The following RBMS3 variants were observed in gnomAD, a reference collection of about 807,000 sequenced individuals.
RBMS3 encodes the protein RNA binding motif single stranded interacting protein 3.
In RBMS3, 27 loss-of-function variants were observed where a neutral mutation model predicts 66.8. The ratio of observed to expected loss-of-function variants is 0.40; its 90% CI spans 0.30 to 0.56. RBMS3 has a LOEUF of 0.56. Ranked by LOEUF, RBMS3 falls within the 20% of genes least tolerant of loss-of-function variation. The pLI, the probability that RBMS3 is intolerant of heterozygous loss-of-function variation, is 0.40. For synonymous variants in RBMS3, 188 were observed against 183.0 expected (o/e 1.03, Z -0.22); for missense variants, 513 against 549.5 (o/e 0.93, Z 0.66).
At position 29,906,414 on chromosome 3, in the gene RBMS3, C is replaced by T. The variant is rs539147851; in HGVS notation, c.939+6659C>T. On this transcript the variant is annotated intron_variant, in intron 10 of 14. Coordinates refer to ENST00000383767, the MANE Select transcript of RBMS3 (RefSeq NM_001003793.3). ...AGAGAGCCAGAGAGAGCTTCCTTTT[C>T]TAACAAAGCTATTCCCACAAATCTA... Among the ~76,000 whole-genome samples the T allele has an allele frequency of 2.6e-5, 4 of 152,168 alleles. No individual in the cohort carries two copies. The South Asian group carries it at 8.3e-4, about 32-fold the overall frequency.
chr3:29,471,251 A>G (rs1000860234), intron 2 of RBMS3, among the ~76,000 whole-genome samples: 1 of 152,174 alleles, frequency 6.6e-6, no homozygotes, highest in African/African-American at 2.4e-5. Context: ...TTCCCTCTAT[A>G]TTGGCAAAAA....
Position 29,759,720 on chromosome 3 carries a change from C to A in RBMS3, c.558-3190C>A, listed in dbSNP as rs544968237. On this transcript the variant is annotated intron_variant, in intron 5 of 14. Transcript: ENST00000383767. Reference sequence around the variant, plus strand: ...CAAATATAGTCTCTTTCCTCCCCCCCCAGAGCTTTCTGGGTCTCAGTCTCA... The same window carrying A: ...CAAATATAGTCTCTTTCCTCCCCCCACAGAGCTTTCTGGGTCTCAGTCTCA... Among the ~76,000 whole-genome samples, 421 of 152,226 alleles carry A rather than the reference C, an allele frequency of 2.8e-3. 2 individuals are homozygous for A. The highest frequency in any genetic ancestry group is 9.7e-3 in the African/African-American group (404 of 41,554).
At chr3:29,496,216 A>G (rs2043746277) in intron 3 of RBMS3, among the ~76,000 whole-genome samples, 1 of 151,068 alleles carries the variant, frequency 6.6e-6, no homozygotes, top group Non-Finnish European at 1.5e-5. Flanking sequence ...AAAAAAAAGA[A>G]AAAAAGAAAA....
intron 11 of RBMS3, among the ~76,000 whole-genome samples, chr3:29,941,495 CAG>C (rs1469163912): frequency 2.6e-5 from 4 of 151,632 alleles, no homozygotes; most frequent in Admixed American, 6.6e-5. Context: ...AAATACAAAA[CAG>C]AAAATATATC....
At chr3:29,784,945 A>G (rs577742152) in intron 6 of RBMS3, among the ~76,000 whole-genome samples, 3 of 152,198 alleles carry the variant, frequency 2.0e-5, no homozygotes, top group African/African-American at 7.2e-5. Context: ...AGATGGATAC[A>G]TTTCTGAAAA....
At chr3:29,775,676 C>T (rs1397732258) in intron 6 of RBMS3, among the ~76,000 whole-genome samples, 2 of 152,010 alleles carry the variant, frequency 1.3e-5, no homozygotes, top group African/African-American at 2.4e-5. Context: ...TGGACTTCAC[C>T]AGTGTGAGTG....
rs545964559 is a variant in RBMS3, at chr3:29,855,561, G to T, written c.638-13297G>T. 5.3e-5 allele frequency among the ~76,000 whole-genome samples: 8 copies of T among 152,224 alleles called. No homozygotes were observed. The South Asian group carries it at 1.7e-3, about 32-fold the overall frequency. ...GTACAACTTGTGACTAGCCAAATTT[G>T]CAATGATCTTTTAGAAAATAGGGGA... On this transcript the variant is annotated intron_variant, in intron 6 of 14. Coordinates refer to ENST00000383767, the MANE Select transcript of RBMS3 (RefSeq NM_001003793.3).
At chr3:29,766,398 G>A (rs1392910787) in intron 6 of RBMS3, 1 of 151,872 alleles carries the variant, frequency 6.6e-6, no homozygotes, top group African/African-American at 2.4e-5. Context: ...AAATTTCATA[G>A]TTAAGGAAAT....
chr3:29,427,917 A>G (rs2041022751), intron 1 of RBMS3, among the ~76,000 whole-genome samples: 1 of 152,176 alleles, frequency 6.6e-6, no homozygotes, highest in Admixed American at 6.5e-5. Flanking sequence ...CATGCAAAAA[A>G]TATTTAAAAT....
intron 6 of RBMS3, among the ~76,000 whole-genome samples, chr3:29,828,250 T>G (rs9847787): frequency 1.5e-3 from 221 of 152,298 alleles, no homozygotes; most frequent in African/African-American, 5.1e-3. Flanking sequence ...CGTAGACTCC[T>G]CTCTCCGTCT....
intron 6 of RBMS3, among the ~76,000 whole-genome samples, chr3:29,848,329 C>T (rs1387134329): frequency 6.6e-6 from 1 of 152,166 alleles, no homozygotes; most frequent in South Asian, 2.1e-4. Context: ...CATTTAGCGG[C>T]CACGTGCTCC....
intron 12 of RBMS3, among the ~76,000 whole-genome samples, chr3:29,964,118 C>T (rs941048198): frequency 6.6e-6 from 1 of 151,974 alleles, no homozygotes; most frequent in Non-Finnish European, 1.5e-5. Context: ...TATTAAAAAC[C>T]CAGTTATATC....
intron 3 of RBMS3, among the ~76,000 whole-genome samples, chr3:29,523,239 C>T (rs1011322645): frequency 6.6e-6 from 1 of 152,198 alleles, no homozygotes; most frequent in Non-Finnish European, 1.5e-5. Context: ...CTTTCTAACT[C>T]ACTGAGCACC....
intron 1 of RBMS3, among the ~76,000 whole-genome samples, chr3:29,336,973 T>C (rs1283714405): frequency 6.6e-6 from 1 of 152,194 alleles, no homozygotes; most frequent in Non-Finnish European, 1.5e-5. Context: ...TATACAGTTT[T>C]AGCAAATCTG....
intron 2 of RBMS3, among the ~76,000 whole-genome samples, chr3:29,484,449 A>G (rs535522769): frequency 4.9e-4 from 75 of 152,270 alleles, no homozygotes; most frequent in Middle Eastern, 3.4e-3. Flanking sequence ...TTATAAGGAC[A>G]ACAATCATAT....
At chr3:29,301,191 C>T (rs142467659) in intron 1 of RBMS3, among the ~76,000 whole-genome samples, 1 of 151,888 alleles carries the variant, frequency 6.6e-6, no homozygotes, top group East Asian at 2.0e-4. Flanking sequence ...ACCATGGAGG[C>T]GACATTTGAA....
chr3:29,382,272 C>T (rs1435212481), intron 1 of RBMS3, among the ~76,000 whole-genome samples: 1 of 152,150 alleles, frequency 6.6e-6, no homozygotes, highest in Non-Finnish European at 1.5e-5. Context: ...CAGTAGAAGA[C>T]TAACATCTTC....
At chr3:29,853,506 G>A (rs2058993149) in intron 6 of RBMS3, among the ~76,000 whole-genome samples, 1 of 138,516 alleles carries the variant, frequency 7.2e-6, no homozygotes, top group South Asian at 2.3e-4. Flanking sequence ...AGGACCCAAA[G>A]TGGGTAGCCG....
At chr3:29,352,433 GATTT>G (rs1377663092) in intron 1 of RBMS3, among the ~76,000 whole-genome samples, 1 of 151,924 alleles carries the variant, frequency 6.6e-6, no homozygotes, top group Non-Finnish European at 1.5e-5. Flanking sequence ...ATTTATGTTA[GATTT>G]ATACCCAGTA....
Sources: gnomAD v4.1 joint callset for allele counts (sites outside exome capture counted in the v4.1 genomes callset) on GRCh38, gnomAD v4.1.1 for gene constraint, MANE v1.5 for transcripts, NCBI Gene and HGNC (gene_info 2026-07-23, HGNC 2026-07-21) for gene names.